Variants in CSTPP1 observed in about 807,000 individuals in gnomAD.
CSTPP1 encodes the protein centriolar satellite-associated tubulin polyglutamylase complex regulator 1, also known as UPF0705 protein C11orf49.
the CSTPP1 span, among the ~76,000 whole-genome samples, chr11:46,962,243 A>G: frequency 1.3e-5 from 2 of 152,222 alleles, no homozygotes; most frequent in African/African-American, 2.4e-5. Flanking sequence ...TCAATTTGCT[A>G]TAAAATATAA....
the CSTPP1 span, chr11:46,987,118 G>T: frequency 1.6e-6 from 2 of 1,228,082 alleles, no homozygotes; most frequent in African/African-American, 3.0e-5. Context: ...CACCTGGATT[G>T]CCTTACACAT....
the CSTPP1 span, chr11:47,158,062 G>C: frequency 2.7e-6 from 2 of 735,906 alleles, no homozygotes; most frequent in Non-Finnish European, 4.6e-6. Flanking sequence ...CTCAATCCCA[G>C]GGAGCAGGAA....
chr11:46,937,025 GCA>G, the CSTPP1 span, among the ~76,000 whole-genome samples: 1 of 152,110 alleles, frequency 6.6e-6, no homozygotes, highest in Admixed American at 6.5e-5. Context: ...AAGGAAAAAA[GCA>G]CCTGGGAAGT....
the CSTPP1 span, chr11:47,052,298 G>A: frequency 1.4e-6 from 2 of 1,466,782 alleles, no homozygotes; most frequent in African/African-American, 1.4e-5. Flanking sequence ...CCCGTTTTTG[G>A]CAGTGGTTCT....
At chr11:47,012,150 A>G in the CSTPP1 span, among the ~76,000 whole-genome samples, 2,803 of 151,950 alleles carry the variant, frequency 0.018, 77 homozygotes, top group African/African-American at 0.064. Flanking sequence ...GCACACACCT[A>G]TAGTCCCAGC....
the CSTPP1 span, among the ~76,000 whole-genome samples, chr11:47,076,820 C>T: frequency 1.3e-5 from 2 of 148,378 alleles, no homozygotes; most frequent in East Asian, 2.0e-4. Flanking sequence ...GGTGATGGAG[C>T]AAGACTCTGT....
At chr11:47,035,795 T>C in the CSTPP1 span, among the ~76,000 whole-genome samples, 3 of 152,016 alleles carry the variant, frequency 2.0e-5, no homozygotes, top group Non-Finnish European at 4.4e-5. Flanking sequence ...ATGTGTAGGA[T>C]GCACAGTTGG....
the CSTPP1 span, among the ~76,000 whole-genome samples, chr11:46,966,225 T>C: frequency 2.7e-3 from 416 of 152,246 alleles, 2 homozygotes; most frequent in African/African-American, 9.3e-3. Flanking sequence ...GTATTTTTAG[T>C]AGAGACGGGG....
chr11:47,075,902 G>A, the CSTPP1 span, among the ~76,000 whole-genome samples: 4 of 139,652 alleles, frequency 2.9e-5, no homozygotes, highest in South Asian at 9.6e-4. Flanking sequence ...CTCCAGGCCT[G>A]GGTGACAGAG....
chr11:47,086,234 C>CAAAAGAAAAAAA, the CSTPP1 span, among the ~76,000 whole-genome samples: 1 of 89,434 alleles, frequency 1.1e-5, no homozygotes, highest in Non-Finnish European at 2.0e-5. Context: ...ACTAAAAATC[C>CAAAAGAAAAAAA]AAAAAAAAAA....
At chr11:46,955,450 G>A in the CSTPP1 span, among the ~76,000 whole-genome samples, 1,148 of 148,270 alleles carry the variant, frequency 7.7e-3, 15 homozygotes, top group African/African-American at 0.027. Flanking sequence ...TGCAACCTCC[G>A]CCTTCCAGGT....
At chr11:46,968,726 C>G in the CSTPP1 span, among the ~76,000 whole-genome samples, 6 of 151,722 alleles carry the variant, frequency 4.0e-5, no homozygotes, top group Admixed American at 6.6e-5. Context: ...TGGTGACACC[C>G]CGTCTCTACT....
chr11:46,949,345 T>C, the CSTPP1 span, among the ~76,000 whole-genome samples: 90 of 152,328 alleles, frequency 5.9e-4, no homozygotes, highest in African/African-American at 2.1e-3. Flanking sequence ...AAGTCTCACA[T>C]ATGCAGTCTT....
chr11:46,982,804 G>T, the CSTPP1 span, among the ~76,000 whole-genome samples: 1 of 152,090 alleles, frequency 6.6e-6, no homozygotes, highest in South Asian at 2.1e-4. Flanking sequence ...TTTCAATAAG[G>T]GGGTAAGGGG....
chr11:46,961,381 C>T, the CSTPP1 span, among the ~76,000 whole-genome samples: 60 of 152,154 alleles, frequency 3.9e-4, no homozygotes, highest in African/African-American at 1.3e-3. Flanking sequence ...GAAATGTCTA[C>T]TCAAATCTTT....
the CSTPP1 span, among the ~76,000 whole-genome samples, chr11:47,069,787 T>C: frequency 6.6e-6 from 1 of 152,100 alleles, no homozygotes; most frequent in South Asian, 2.1e-4. Flanking sequence ...CACTCACTGC[T>C]ACCTCCTCCT....
chr11:47,074,286 G>T, the CSTPP1 span, among the ~76,000 whole-genome samples: 1 of 151,984 alleles, frequency 6.6e-6, no homozygotes, highest in Non-Finnish European at 1.5e-5. Context: ...GATTGCTTGA[G>T]CCCAAGAATT....
At chr11:47,142,206 G>A in the CSTPP1 span, among the ~76,000 whole-genome samples, 13 of 148,962 alleles carry the variant, frequency 8.7e-5, no homozygotes, top group African/African-American at 3.2e-4. Context: ...TCGCGCCACT[G>A]CACTCCAGGC....
At chr11:47,070,013 G>A in the CSTPP1 span, among the ~76,000 whole-genome samples, 31 of 151,726 alleles carry the variant, frequency 2.0e-4, no homozygotes, top group Non-Finnish European at 3.8e-4. Flanking sequence ...GCACCCGGCC[G>A]TTGTTGCTTT....
Sources: allele counts gnomAD v4.1 joint callset (sites outside exome capture counted in the v4.1 genomes callset), GRCh38; gene constraint gnomAD v4.1.1; transcripts MANE v1.5; gene names NCBI Gene and HGNC (gene_info 2026-07-23, HGNC 2026-07-21).